Variants in TMPRSS11F observed in about 807,000 individuals in gnomAD.
The protein encoded by TMPRSS11F is transmembrane serine protease 11F.
TMPRSS11F carries 47 observed loss-of-function variants against 60.2 expected under a neutral mutation model. That is an observed-to-expected ratio of 0.78 (90% CI 0.62 to 1.00). The LOEUF (loss-of-function observed/expected upper bound fraction) is 1.00, where lower values mean the gene tolerates loss of function less well. Among genes scored for constraint, TMPRSS11F ranks in the 50% least tolerant of loss-of-function variants. The probability of loss-of-function intolerance (pLI) is 0.00; values close to 1 mark genes in which losing one functional copy is unlikely to be tolerated. For synonymous variants in TMPRSS11F, 166 were observed against 167.3 expected, an observed-to-expected ratio of 0.99 and a Z score of 0.06; for missense variants, 519 against 522.9, an observed-to-expected ratio of 0.99 and a Z score of 0.07.
chr4:68,059,578 A>G, intron 8 of TMPRSS11F, 110 bp from the exon 9 acceptor site: 1 of 1,052,370 alleles, frequency 9.5e-7, no homozygotes, highest in Non-Finnish European at 1.3e-6. Flanking sequence ...TTATTTTATT[A>G]ACATTAGCTA....
rs1413925142 is a variant in TMPRSS11F, at chr4:68,064,748, A to G, written c.952T>C (p.Ser318Pro). 1.9e-6 allele frequency: 3 copies of G among 1,613,988 alleles called. No homozygotes were observed. The highest frequency in any genetic ancestry group is 2.7e-5 in the African/African-American group (2 of 74,934). The change falls in exon 8 of 10, where the codon TCT becomes CCT. Residue 318 changes from serine (S) to proline (P), a missense_variant. Coordinates refer to ENST00000356291, the MANE Select transcript of TMPRSS11F (RefSeq NM_207407.2). ...CTTGTTTTAGGTGGCAACTTTATAG[A>G]TGAGTCTGGGAGGCAAACTCTCTGG... ...IVQRVCLPDS[S>P]IKLPPKTSVF...
chr4:68,076,782 C>T (rs2109850837), intron 3 of TMPRSS11F, among the ~76,000 whole-genome samples: 1 of 152,312 alleles, frequency 6.6e-6, no homozygotes, highest in East Asian at 1.9e-4. Context: ...TCTCATGACT[C>T]CACCAAAGGT....
chr4:68,085,531 A>G (rs1174600367), intron 3 of TMPRSS11F, among the ~76,000 whole-genome samples: 2 of 152,226 alleles, frequency 1.3e-5, no homozygotes, highest in African/African-American at 4.8e-5. Context: ...ATCATCTACA[A>G]AACAATCAGC....
rs550126768 is a variant in TMPRSS11F at position 68,098,862 on chromosome 4, A to G, written c.163+25T>C. 10 of 1,593,098 alleles carry G rather than the reference A, an allele frequency of 6.3e-6. No individual in the cohort carries two copies. In the South Asian group the frequency reaches 9.1e-5, roughly 15 times the overall value. On this transcript the variant is annotated intron_variant, in intron 2 of 9. Coordinates refer to ENST00000356291, the MANE Select transcript of TMPRSS11F (RefSeq NM_207407.2). The stretch of plus-strand genomic sequence containing the variant: ...TACGAAGTCATGGAGTACTTAGGCA[A>G]TGGAACTGTGACCTGGATACTTACC...
At chr4:68,092,845 C>T (rs530155205) in intron 2 of TMPRSS11F, among the ~76,000 whole-genome samples, 1 of 151,884 alleles carries the variant, frequency 6.6e-6, no homozygotes, top group South Asian at 2.1e-4. Flanking sequence ...TCTGGAATCT[C>T]GTAGAAGTAA....
At chr4:68,121,792 A>G (rs895248141) in intron 1 of TMPRSS11F, among the ~76,000 whole-genome samples, 5 of 152,186 alleles carry the variant, frequency 3.3e-5, no homozygotes, top group African/African-American at 1.2e-4. Flanking sequence ...AGCTAATATA[A>G]TCTGCATATT....
At chr4:68,054,200 C>T (rs1722996410) in intron 9 of TMPRSS11F, 133 bp from the exon 10 acceptor site, 1 of 684,526 alleles carries the variant, frequency 1.5e-6, no homozygotes, top group African/African-American at 1.8e-5. Context: ...TATAATGGGT[C>T]TCTCAACTGA....
chr4:68,098,141 C>T (rs531790218), intron 2 of TMPRSS11F, among the ~76,000 whole-genome samples: 2 of 152,136 alleles, frequency 1.3e-5, no homozygotes, highest in Admixed American at 6.5e-5. Flanking sequence ...CCCAACTCTA[C>T]TAAAAATACA....
chr4:68,080,254 AGGCCAATGG>A (rs1165150903), intron 3 of TMPRSS11F: 1 of 152,266 alleles, frequency 6.6e-6, no homozygotes, highest in Admixed American at 6.5e-5. Flanking sequence ...CTGGAGGCCT[AGGCCAATGG>A]GGAGTTATTG....
chr4:68,116,561 G>A (rs1724523740), intron 1 of TMPRSS11F, among the ~76,000 whole-genome samples: 1 of 152,102 alleles, frequency 6.6e-6, no homozygotes, highest in Non-Finnish European at 1.5e-5. Flanking sequence ...GAACAACAAT[G>A]CTAGAGGTAC....
chr4:68,099,728 T>C (rs769725852), intron 1 of TMPRSS11F, among the ~76,000 whole-genome samples: 3 of 152,188 alleles, frequency 2.0e-5, no homozygotes, highest in Non-Finnish European at 2.9e-5. Flanking sequence ...TCAATATTTA[T>C]TGTGAACTTG....
At position 68,064,777 on chromosome 4, in the gene TMPRSS11F, A is replaced by G; in HGVS notation, c.923T>C (p.Ile308Thr). Residue 308 changes from isoleucine (I) to threonine (T), a missense_variant, in exon 8 of 10, where the codon ATA (isoleucine) becomes ACA (threonine). Physicochemically the swap from Ile to Thr is moderately conservative, Grantham distance 89 (BLOSUM62 -1). Transcript: ENST00000356291. ...QLSTGVEFSN[I>T]VQRVCLPDSS... The stretch of plus-strand genomic sequence containing the variant: ...GTCTGGGAGGCAAACTCTCTGGACT[A>G]TATTTGAAAACTCAACTCCAGTAGA... 6.2e-7 allele frequency: 1 copy of G among 1,614,200 alleles called. No individual in the cohort carries two copies.
At chr4:68,110,618 C>T (rs1048408408) in intron 1 of TMPRSS11F, among the ~76,000 whole-genome samples, 1 of 152,082 alleles carries the variant, frequency 6.6e-6, no homozygotes, top group Non-Finnish European at 1.5e-5. Context: ...ACCTTTTTTA[C>T]CTCAGTTTTT....
At chr4:68,118,787 A>G in intron 1 of TMPRSS11F, among the ~76,000 whole-genome samples, 1 of 152,222 alleles carries the variant, frequency 6.6e-6, no homozygotes, top group Admixed American at 6.5e-5. Flanking sequence ...GTCTACAACA[A>G]GGAAATCTTA....
chr4:68,072,248 T>TATATATATATATATATATATATATATAC (rs1723491589), intron 5 of TMPRSS11F, 75 bp downstream of exon 5: 1 of 212,236 alleles, frequency 4.7e-6, no homozygotes, highest in Non-Finnish European at 9.1e-6. Context: ...TATATATATA[T>TATATATATATATATATATATATATATAC]ATTGCTTACA....
At chr4:68,058,935 T>G (rs1723099345) in intron 9 of TMPRSS11F, among the ~76,000 whole-genome samples, 1 of 151,766 alleles carries the variant, frequency 6.6e-6, no homozygotes, top group South Asian at 2.1e-4. Context: ...GAAGAGGAGG[T>G]CTAGGAACTA....
chr4:68,109,483 G>A (rs190926925), intron 1 of TMPRSS11F, among the ~76,000 whole-genome samples: 33 of 152,192 alleles, frequency 2.2e-4, no homozygotes, highest in African/African-American at 7.7e-4. Flanking sequence ...TGAAAGTACA[G>A]ATCCCTAAAA....
rs142213895 is a variant in TMPRSS11F, at chr4:68,126,612, G to A, written c.11+3198C>T. On this transcript the variant is annotated intron_variant, in intron 1 of 9. Transcript: ENST00000356291. ...CTCTTTTCTCAGTATCTGTTCTTTG[G>A]TTTTAGCCATATGAAATCATAAGTC... Among the ~76,000 whole-genome samples, 320 of 152,152 alleles carry A rather than the reference G, an allele frequency of 2.1e-3. 3 individuals are homozygous for A. Among genetic ancestry groups the A allele is most frequent in the African/African-American group, 7.1e-3 (295 of 41,512 alleles).
At chr4:68,108,384 C>T (rs1724343192) in intron 1 of TMPRSS11F, among the ~76,000 whole-genome samples, 1 of 152,108 alleles carries the variant, frequency 6.6e-6, no homozygotes, top group South Asian at 2.1e-4. Flanking sequence ...CAAAGATGTT[C>T]TGGGATGGAG....
Sources: gnomAD v4.1 joint callset for allele counts (sites outside exome capture counted in the v4.1 genomes callset) on GRCh38, gnomAD v4.1.1 for gene constraint, MANE v1.5 for transcripts, NCBI Gene and HGNC (gene_info 2026-07-23, HGNC 2026-07-21) for gene names.